AFF2: variants seen among roughly 807,000 people sequenced by gnomAD.
The protein encoded by AFF2 is ALF transcription elongation factor 2.
In AFF2, 14 loss-of-function variants were observed where a neutral mutation model predicts 76.9. That is an observed-to-expected ratio of 0.18 (90% CI 0.12 to 0.28). The LOEUF is 0.28. AFF2 is among the 10% of genes least tolerant of loss of function. AFF2 has a pLI of 1.00. For missense variants in AFF2, 868 were observed against 1,001.1 expected (o/e 0.87, Z 1.79); for synonymous variants, 398 against 366.7 (o/e 1.09, Z -0.98).
chrX:148,721,493 T>C (rs2055092295), intron 3 of AFF2, among the ~76,000 whole-genome samples: 1 of 112,202 alleles, frequency 8.9e-6, no homozygotes, highest in South Asian at 3.7e-4. Context: ...TATCTAGTGC[T>C]TAGCAGATAG....
rs574802529 is a variant in AFF2 at position 148,681,583 on chromosome X, T to A, written c.1041+18815T>A. On this transcript the variant is annotated intron_variant, in intron 3 of 20. Coordinates refer to ENST00000370460, the MANE Select transcript of AFF2 (RefSeq NM_002025.4). ...GTGTGTCAGTGTGTGTGTGTGTGTG[T>A]GAGAGAGAGAGAATGAAGAAAGGAA... 6.6e-4 allele frequency among the ~76,000 whole-genome samples: 59 copies of A among 90,034 alleles called. No individual in the cohort carries two copies. The South Asian group carries it at 0.012, about 18-fold the overall frequency. The allele number at this position is 90,034 out of a possible 115,157, so 78.2% of individuals were successfully genotyped here.
chrX:148,758,568 A>G (rs2069403216), intron 3 of AFF2, among the ~76,000 whole-genome samples: 1 of 111,927 alleles, frequency 8.9e-6, no homozygotes, highest in Admixed American at 9.5e-5. Flanking sequence ...CCAAAACAGA[A>G]TCATAATGAG....
chrX:148,592,076 C>G (rs1557246737), intron 1 of AFF2, among the ~76,000 whole-genome samples: 1 of 112,037 alleles, frequency 8.9e-6, no homozygotes, highest in African/African-American at 3.3e-5. Flanking sequence ...CTCCTGGCAT[C>G]TCTCTTTATT....
intron 3 of AFF2, among the ~76,000 whole-genome samples, chrX:148,681,866 T>C (rs1213416602): frequency 2.7e-5 from 3 of 111,056 alleles, no homozygotes; most frequent in Admixed American, 9.6e-5. Context: ...CCCCATGGTT[T>C]GTTTTGATTT....
chrX:148,780,237 T>A (rs1341675820), intron 3 of AFF2, among the ~76,000 whole-genome samples: 1 of 111,770 alleles, frequency 8.9e-6, no homozygotes, highest in Non-Finnish European at 1.9e-5. Flanking sequence ...GGGGTTGCTC[T>A]TCTCAAGGAG....
chrX:148,994,156 G>A lies in AFF2; in HGVS notation c.*2824G>A, dbSNP rs1309448309. On this transcript the variant is annotated 3_prime_UTR_variant, in exon 21 of 21. Coordinates refer to ENST00000370460, the MANE Select transcript of AFF2 (RefSeq NM_002025.4). ...GGCAGAGTAAAAGGAAGCTCCATCT[G>A]AGCAAGTACACCAAATGATCTCAGC... The A allele has an allele frequency of 2.7e-5, 3 of 111,662 alleles. No individual in the cohort carries two copies. The highest frequency in any genetic ancestry group is 3.9e-4 in the South Asian group (1 of 2,596). 9.2% of individuals were successfully genotyped at this position (111,662 alleles called of 1,213,427 possible).
chrX:148,730,223 A>AAAG (rs1207435366), intron 3 of AFF2, among the ~76,000 whole-genome samples: 3 of 111,910 alleles, frequency 2.7e-5, no homozygotes, highest in Non-Finnish European at 5.6e-5. Context: ...TGTAATATCC[A>AAAG]AAGTTGTCTT....
At chrX:148,525,923 C>T (rs190383697) in intron 1 of AFF2, among the ~76,000 whole-genome samples, 1 of 111,492 alleles carries the variant, frequency 9.0e-6, no homozygotes, top group African/African-American at 3.3e-5. Context: ...CACAGGGTAC[C>T]AGACTTTACC....
At chrX:148,833,648 A>G (rs1395238024) in intron 4 of AFF2, among the ~76,000 whole-genome samples, 1 of 111,206 alleles carries the variant, frequency 9.0e-6, no homozygotes, top group Admixed American at 9.6e-5. Flanking sequence ...ACAAATGCAA[A>G]GAATCCACCA....
At chrX:148,814,819 A>G (rs1306841990) in intron 4 of AFF2, among the ~76,000 whole-genome samples, 5 of 111,980 alleles carry the variant, frequency 4.5e-5, no homozygotes, top group African/African-American at 1.3e-4. Flanking sequence ...GAAATAAATG[A>G]AAAAGCCCAT....
At chrX:148,926,284 G>C (rs1285325573) in intron 9 of AFF2, among the ~76,000 whole-genome samples, 2 of 112,470 alleles carry the variant, frequency 1.8e-5, no homozygotes, top group Non-Finnish European at 3.8e-5. Flanking sequence ...GGCTTGCTAT[G>C]TCATAAAAGA....
At chrX:148,618,680 C>G (rs2053838002) in intron 1 of AFF2, among the ~76,000 whole-genome samples, 1 of 111,408 alleles carries the variant, frequency 9.0e-6, no homozygotes, top group Admixed American at 9.5e-5. Flanking sequence ...GAAATTGATA[C>G]AAGGTGGATT....
chrX:148,953,545 A>C, intron 9 of AFF2, 35 bp from the exon 10 acceptor site: 2 of 1,185,615 alleles, frequency 1.7e-6, no homozygotes, highest in Non-Finnish European at 2.3e-6. Flanking sequence ...ATTTGAGAGT[A>C]AATGAGGCAA....
chrX:148,765,383 C>T (rs781893548), intron 3 of AFF2, among the ~76,000 whole-genome samples: 1 of 111,713 alleles, frequency 9.0e-6, no homozygotes, highest in South Asian at 3.8e-4. Flanking sequence ...TACAATGATG[C>T]ATATTATTGT....
chrX:148,855,382 C>CT (rs2070776317), intron 7 of AFF2, among the ~76,000 whole-genome samples: 1 of 111,116 alleles, frequency 9.0e-6, no homozygotes, highest in Non-Finnish European at 1.9e-5. Flanking sequence ...GTTTGACTCT[C>CT]CTGAACATAA....
intron 3 of AFF2, among the ~76,000 whole-genome samples, chrX:148,758,446 C>T (rs1328308917): frequency 8.9e-6 from 1 of 112,055 alleles, no homozygotes; most frequent in Non-Finnish European, 1.9e-5. Flanking sequence ...CATTGGGAAA[C>T]TGCAGAAATG....
chrX:148,637,399 G>A (rs1330266886), intron 1 of AFF2, among the ~76,000 whole-genome samples: 5 of 112,317 alleles, frequency 4.5e-5, no homozygotes, highest in Non-Finnish European at 1.9e-5. Context: ...GCATAGGTTA[G>A]ACTGTTACAA....
At chrX:148,991,173 CA>C (rs1267229030) in intron 20 of AFF2, 37 bp from the exon 21 acceptor site, 1 of 1,149,877 alleles carries the variant, frequency 8.7e-7, no homozygotes. Flanking sequence ...TTCATGATAT[CA>C]TATAAAGGCC....
rs192396914 is a variant in AFF2 at position 148,980,365 on chromosome X, A to T, written c.3571-373A>T. The stretch of plus-strand genomic sequence containing the variant: ...AGCTCACTCTGCATCCCAGGGAAAA[A>T]GTTTGCAACTGGAGCTAAAGGTGAA... On this transcript the variant is annotated intron_variant, in intron 18 of 20. Transcript: ENST00000370460. 4.5e-5 allele frequency among the ~76,000 whole-genome samples: 5 copies of T among 112,269 alleles called. No homozygotes were observed. In the East Asian group the frequency reaches 1.1e-3, roughly 25 times the overall value.
Sources: allele counts gnomAD v4.1 joint callset (sites outside exome capture counted in the v4.1 genomes callset), GRCh38; gene constraint gnomAD v4.1.1; transcripts MANE v1.5; gene names NCBI Gene and HGNC (gene_info 2026-07-23, HGNC 2026-07-21).